BRAP: variants seen among roughly 807,000 people sequenced by gnomAD.
BRAP encodes the protein BRCA1-associated protein.
A neutral mutation model predicts 73.4 loss-of-function variants in BRAP; 42 were observed. The ratio of observed to expected loss-of-function variants is 0.57; its 90% CI spans 0.45 to 0.74. The LOEUF (loss-of-function observed/expected upper bound fraction) is 0.74. Ranked by LOEUF, BRAP falls within the 30% of genes least tolerant of loss-of-function variation. The probability of loss-of-function intolerance (pLI) is 0.00; values close to 1 mark genes in which losing one functional copy is unlikely to be tolerated. For synonymous variants in BRAP, 255 were observed against 267.4 expected (o/e 0.95, Z 0.45); for missense variants, 593 against 751.4 (o/e 0.79, Z 2.46).
rs530870871 is a variant in BRAP at position 111,657,796 on chromosome 12, T to C, written c.1221+940A>G. 9.9e-5 allele frequency among the ~76,000 whole-genome samples: 15 copies of C among 152,060 alleles called. No homozygotes were observed. The East Asian group carries it at 2.7e-3, about 28-fold the overall frequency. On this transcript the variant is annotated intron_variant, in intron 9 of 11. Transcript: ENST00000419234. ...CGGAAGGCTGAGGCAGGAGAATCGC[T>C]TGAACCCGGGAGGCAGAGGTTGCAG...
intron 11 of BRAP, among the ~76,000 whole-genome samples, chr12:111,646,043 C>G (rs537477361): frequency 6.6e-6 from 1 of 151,968 alleles, no homozygotes; most frequent in African/African-American, 2.4e-5. Context: ...TGTCTGTAAT[C>G]CCAGCACTAT....
chr12:111,647,974 GGGA>G (rs1414996261), intron 11 of BRAP, among the ~76,000 whole-genome samples: 1 of 151,924 alleles, frequency 6.6e-6, no homozygotes, highest in Non-Finnish European at 1.5e-5. Flanking sequence ...AGGCTGAGGT[GGGA>G]GGATCACCTG....
At position 111,665,796 on chromosome 12, in the gene BRAP, A is replaced by G. The variant is rs754352842; in HGVS notation, c.748-9T>C. The G allele has an allele frequency of 6.2e-7, 1 of 1,614,148 alleles. No individual in the cohort carries two copies. Among genetic ancestry groups the G allele is most frequent in the Non-Finnish European group, 8.5e-7 (1 of 1,180,000 alleles). On this transcript the variant is annotated splice_polypyrimidine_tract_variant and intron_variant, in intron 5 of 11. Coordinates refer to ENST00000419234, the MANE Select transcript of BRAP (RefSeq NM_006768.5). This position sits in a 1 kb window ranked among gnomAD's most constrained non-coding sequence, Gnocchi z 4.3. ...ACTGGGAGGCTGGCGCCCTACAGGA[A>G]ACACCTCACATAAGCCTCACTCTTC... is the stretch of plus-strand genomic sequence containing the variant.
chr12:111,652,549 C>T (rs923380641), intron 10 of BRAP, among the ~76,000 whole-genome samples: 2 of 152,144 alleles, frequency 1.3e-5, no homozygotes, highest in Non-Finnish European at 2.9e-5. Context: ...TTGCTACAGA[C>T]AAATGTTAAC....
intron 5 of BRAP, among the ~76,000 whole-genome samples, chr12:111,669,639 C>T (rs1887091851): frequency 6.6e-6 from 1 of 152,046 alleles, no homozygotes; most frequent in African/African-American, 2.4e-5. Context: ...CATGAAACTA[C>T]AAAATTAGCA....
intron 11 of BRAP, among the ~76,000 whole-genome samples, chr12:111,647,232 C>T (rs985840171): frequency 2.6e-5 from 4 of 152,172 alleles, no homozygotes; most frequent in South Asian, 4.1e-4. Flanking sequence ...GATTACGCCA[C>T]TGTACTCTGG....
Position 111,659,308 on chromosome 12 carries a change from C to T in BRAP, c.1010G>A (p.Cys337Tyr). 1 of 1,614,056 alleles carries T rather than the reference C, an allele frequency of 6.2e-7. No homozygotes were observed. The change falls in exon 8 of 12, where the codon TGT (cysteine) becomes TAT (tyrosine). Residue 337 changes from cysteine (C) to tyrosine (Y), a missense_variant. This residue lies in a region of BRAP where 67 missense variants were observed against 158.0 expected (regional missense o/e 0.42). Coordinates refer to ENST00000419234, the MANE Select transcript of BRAP (RefSeq NM_006768.5). ...AGCATGTCGACTGACATACCGTCCA[C>T]ATCCTATGTGGCCGCATATTAAACA... ...WICLICGHIG[C>Y]GRYVSRHAYK...
In BRAP at chr12:111,644,255, A is replaced by C. The variant is rs1886010935; in HGVS notation, c.1723T>G (p.Ser575Ala). The C allele has an allele frequency of 1.9e-6, 3 of 1,613,878 alleles. No individual in the cohort carries two copies. The highest frequency in any genetic ancestry group is 1.1e-5 in the South Asian group (1 of 91,090). The change falls in exon 12 of 12, where the codon TCG (serine) becomes GCG (alanine). Residue 575 changes from serine (S) to alanine (A), a missense_variant. Ser to Ala is a moderately conservative substitution (Grantham distance 99). Transcript: ENST00000419234. ...GAGGGCAACTTCCCACTGCCCCCCG[A>C]AGAGGCAGGGCTCGAGGCCGAGGCC... ...AMASASSPASSGGSGKLPSRK... is the reference protein window; with the variant it reads ...AMASASSPASAGGSGKLPSRK...
At chr12:111,645,038 T>C (rs1021861260) in intron 11 of BRAP, among the ~76,000 whole-genome samples, 8 of 151,624 alleles carry the variant, frequency 5.3e-5, no homozygotes, top group African/African-American at 1.9e-4. Flanking sequence ...ATTACAGGCA[T>C]GAGGCACTGC....
intron 4 of BRAP, 188 bp from the exon 5 acceptor site, chr12:111,672,962 T>C (rs765732705): frequency 1.9e-6 from 1 of 528,300 alleles, no homozygotes; most frequent in South Asian, 2.8e-5. Flanking sequence ...TGTAAGTCAA[T>C]ATTCCATGTT....
intron 9 of BRAP, among the ~76,000 whole-genome samples, chr12:111,657,203 C>A (rs1211506574): frequency 1.3e-5 from 2 of 152,108 alleles, no homozygotes; most frequent in Non-Finnish European, 2.9e-5. Context: ...ACCACCACAC[C>A]CAACTAATTT....
chr12:111,666,352 G>A (rs1216858423), intron 5 of BRAP, among the ~76,000 whole-genome samples: 2 of 152,142 alleles, frequency 1.3e-5, no homozygotes, highest in South Asian at 2.1e-4. Flanking sequence ...AAGAATAGCT[G>A]GACCTGAAGG....
At chr12:111,651,470 G>C (rs920003839) in intron 10 of BRAP, among the ~76,000 whole-genome samples, 1 of 151,614 alleles carries the variant, frequency 6.6e-6, no homozygotes, top group Non-Finnish European at 1.5e-5. Flanking sequence ...CAGGGAGGTG[G>C]AGATTGCAGT....
Position 111,644,207 on chromosome 12 carries a change from C to T in BRAP, c.1771G>A (p.Gly591Ser), listed in dbSNP as rs1327953379. Residue 591 changes from glycine (G) to serine (S), a missense_variant, in exon 12 of 12, where the codon GGC becomes AGC. Gly to Ser is a moderately conservative substitution (Grantham distance 56). Coordinates refer to ENST00000419234, the MANE Select transcript of BRAP (RefSeq NM_006768.5). The stretch of plus-strand genomic sequence containing the variant: ...GTCTGTTGCTCTGAAGGTCACTTGC[C>T]CCTCTTGCTGCGGCCCTTCCTGGAG... Reference protein sequence around the residue: ...LPSRKGRSKRGK With the variant: ...LPSRKGRSKRSK 4 of 1,610,214 alleles carry T rather than the reference C, an allele frequency of 2.5e-6. No individual in the cohort carries two copies. Among genetic ancestry groups the T allele is most frequent in the Non-Finnish European group, 2.5e-6 (3 of 1,179,418 alleles).
chr12:111,653,874 G>A (rs1347297902), intron 10 of BRAP, among the ~76,000 whole-genome samples: 1 of 152,184 alleles, frequency 6.6e-6, no homozygotes, highest in Non-Finnish European at 1.5e-5. Flanking sequence ...CACCCCAAGC[G>A]TTTTATTTAG....
At chr12:111,668,731 A>C (rs1279565502) in intron 5 of BRAP, among the ~76,000 whole-genome samples, 2 of 150,834 alleles carry the variant, frequency 1.3e-5, no homozygotes, top group African/African-American at 4.9e-5. Context: ...ATCTCGGCTC[A>C]CTGCAAGCTC....
intron 5 of BRAP, among the ~76,000 whole-genome samples, chr12:111,666,491 A>G (rs917155505): frequency 6.6e-6 from 1 of 152,206 alleles, no homozygotes; most frequent in Non-Finnish European, 1.5e-5. Flanking sequence ...CAGCAGACAG[A>G]CACTGTTCTA....
intron 9 of BRAP, among the ~76,000 whole-genome samples, chr12:111,655,961 C>G (rs1185746907): frequency 6.6e-6 from 1 of 152,206 alleles, no homozygotes; most frequent in African/African-American, 2.4e-5. Context: ...CTCAAATAAA[C>G]TTACCTGTCT....
At chr12:111,657,655 G>A (rs375352779) in intron 9 of BRAP, among the ~76,000 whole-genome samples, 6 of 152,156 alleles carry the variant, frequency 3.9e-5, no homozygotes, top group East Asian at 1.9e-4. Context: ...TGAGGCAGGC[G>A]GACCACGAGG....
Sources: allele counts gnomAD v4.1 joint callset (sites outside exome capture counted in the v4.1 genomes callset), GRCh38; gene constraint gnomAD v4.1.1; regional missense constraint gnomAD v4.1.1; non-coding constraint Gnocchi (gnomAD v3.1); transcripts MANE v1.5; gene names NCBI Gene and HGNC (gene_info 2026-07-23, HGNC 2026-07-21).